The following DACH1 variants were observed in gnomAD, a reference collection of about 807,000 sequenced individuals.
The protein encoded by DACH1 is dachshund family transcription factor 1.
Under a neutral mutation model 54.2 loss-of-function variants are expected in DACH1, and 12 were observed. The ratio of observed to expected loss-of-function variants is 0.22; its 90% confidence interval spans 0.14 to 0.36. The LOEUF (loss-of-function observed/expected upper bound fraction) is 0.36. Ranked by LOEUF, DACH1 falls within the 10% of genes least tolerant of loss-of-function variation. The pLI is 1.00. For synonymous variants in DACH1, 386 were observed against 366.2 expected (o/e 1.05, Z -0.62); for missense variants, 805 against 929.8 (o/e 0.87, Z 1.75).
At chr13:71,540,282 G>A (rs1229046850) in intron 6 of DACH1, among the ~76,000 whole-genome samples, 1 of 151,922 alleles carries the variant, frequency 6.6e-6, no homozygotes, top group Non-Finnish European at 1.5e-5. Context: ...CTATAACAAA[G>A]GCACTGTAAC....
intron 2 of DACH1, among the ~76,000 whole-genome samples, chr13:71,650,520 T>C (rs1878594116): frequency 6.6e-6 from 1 of 152,150 alleles, no homozygotes; most frequent in Admixed American, 6.6e-5. Context: ...AATTAAATAA[T>C]ATTATTGTAA....
At chr13:71,612,712 G>C (rs1875426408) in intron 3 of DACH1, among the ~76,000 whole-genome samples, 1 of 152,164 alleles carries the variant, frequency 6.6e-6, no homozygotes, top group African/African-American at 2.4e-5. Context: ...GACGTGCATT[G>C]TACAAGAAAA....
chr13:71,650,346 A>C (rs1878584011), intron 2 of DACH1, among the ~76,000 whole-genome samples: 1 of 152,182 alleles, frequency 6.6e-6, no homozygotes, highest in South Asian at 2.1e-4. Context: ...AGTACTTGGT[A>C]TATTACAGCA....
At chr13:71,720,293 A>C (rs1248558848) in intron 1 of DACH1, among the ~76,000 whole-genome samples, 1 of 152,198 alleles carries the variant, frequency 6.6e-6, no homozygotes, top group Non-Finnish European at 1.5e-5. Flanking sequence ...AGACATTTGG[A>C]CTTCACTGAC....
intron 6 of DACH1, among the ~76,000 whole-genome samples, chr13:71,502,790 G>T (rs924962863): frequency 6.6e-6 from 1 of 152,096 alleles, no homozygotes; most frequent in Non-Finnish European, 1.5e-5. Flanking sequence ...CCAAATCACC[G>T]TCTTTCAGTA....
At chr13:71,680,238 A>G (rs1880817346) in intron 2 of DACH1, among the ~76,000 whole-genome samples, 1 of 152,140 alleles carries the variant, frequency 6.6e-6, no homozygotes, top group Non-Finnish European at 1.5e-5. Context: ...TCATTTTTCT[A>G]TATCTCAATT....
chr13:71,739,303 A>C (rs1246957504), intron 1 of DACH1, among the ~76,000 whole-genome samples: 1 of 151,956 alleles, frequency 6.6e-6, no homozygotes, highest in Non-Finnish European at 1.5e-5. Context: ...AAGTGATGGA[A>C]TCATGGTTCG....
chr13:71,839,981 C>G (rs1353353910), intron 1 of DACH1, among the ~76,000 whole-genome samples: 1 of 152,196 alleles, frequency 6.6e-6, no homozygotes, highest in Non-Finnish European at 1.5e-5. Flanking sequence ...AAGTCTCACT[C>G]TGTCACCCAG....
intron 3 of DACH1, among the ~76,000 whole-genome samples, chr13:71,627,687 T>A (rs1293166773): frequency 6.6e-6 from 1 of 152,058 alleles, no homozygotes; most frequent in Non-Finnish European, 1.5e-5. Flanking sequence ...TACCTACCTA[T>A]CTCATCCATA....
At chr13:71,648,398 C>T (rs567413970) in intron 2 of DACH1, among the ~76,000 whole-genome samples, 19 of 151,842 alleles carry the variant, frequency 1.3e-4, no homozygotes, top group African/African-American at 4.1e-4. Flanking sequence ...TCAAGAGAGG[C>T]GACGAGAAGA....
Position 71,458,762 on chromosome 13 carries a change from A to G in DACH1, c.2083+16379T>C, listed in dbSNP as rs146542544. ...TGTTTCATATAATAAAATCTAATGC[A>G]TAAGTATTTCACACCTTTATATAAA... On this transcript the variant is annotated intron_variant, in intron 10 of 10. Transcript: ENST00000613252. Among the ~76,000 whole-genome samples the G allele has an allele frequency of 6.8e-3, 1,039 of 152,052 alleles. 7 individuals are homozygous for G. The highest frequency in any genetic ancestry group is 0.014 in the Middle Eastern group (4 of 294).
At chr13:71,836,090 CT>C (rs1327395662) in intron 1 of DACH1, among the ~76,000 whole-genome samples, 4 of 151,900 alleles carry the variant, frequency 2.6e-5, no homozygotes, top group African/African-American at 4.8e-5. Flanking sequence ...ATAGTCTTAC[CT>C]TATCTTGCTC....
intron 10 of DACH1, among the ~76,000 whole-genome samples, chr13:71,457,360 C>T (rs1333903894): frequency 6.6e-6 from 1 of 151,852 alleles, no homozygotes; most frequent in East Asian, 1.9e-4. Context: ...AACAAAGATG[C>T]AAAATAACTA....
intron 6 of DACH1, among the ~76,000 whole-genome samples, chr13:71,510,501 C>G (rs1880694859): frequency 6.6e-6 from 1 of 151,916 alleles, no homozygotes; most frequent in Non-Finnish European, 1.5e-5. Context: ...TTTCCAGGGT[C>G]AAATAACAAG....
At position 71,827,260 on chromosome 13, in the gene DACH1, A is replaced by T. The variant is rs551562940; in HGVS notation, c.848+38662T>A. The stretch of plus-strand genomic sequence containing the variant: ...AATATTACAATCATTGTTTCCAGGG[A>T]TGCAGGCGGGGCTGAATCGCCAACC... On this transcript the variant is annotated intron_variant, in intron 1 of 10. Coordinates refer to ENST00000613252, the MANE Select transcript of DACH1 (RefSeq NM_080759.6). 8.5e-5 allele frequency among the ~76,000 whole-genome samples: 13 copies of T among 152,154 alleles called. 1 individual carries two copies. In the East Asian group the frequency reaches 2.5e-3, roughly 29 times the overall value.
intron 1 of DACH1, among the ~76,000 whole-genome samples, chr13:71,749,662 T>G (rs1884835035): frequency 6.6e-6 from 1 of 152,106 alleles, no homozygotes; most frequent in African/African-American, 2.4e-5. Context: ...GAATCATCCC[T>G]CAGATTTAAA....
intron 3 of DACH1, among the ~76,000 whole-genome samples, chr13:71,616,471 G>C (rs924517420): frequency 6.6e-5 from 10 of 152,166 alleles, no homozygotes; most frequent in African/African-American, 2.4e-4. Flanking sequence ...AGAAGATCAG[G>C]TGTGGTGGCT....
At chr13:71,695,005 A>C (rs901313051) in intron 1 of DACH1, among the ~76,000 whole-genome samples, 2 of 152,168 alleles carry the variant, frequency 1.3e-5, no homozygotes, top group Non-Finnish European at 2.9e-5. Context: ...TAAAAGTATA[A>C]GTTTTCTTAT....
chr13:71,550,318 C>T (rs1255460052), intron 6 of DACH1, among the ~76,000 whole-genome samples: 1 of 152,172 alleles, frequency 6.6e-6, no homozygotes, highest in African/African-American at 2.4e-5. Context: ...CCCACTAATG[C>T]CAGACCCTGT....
Sources: allele counts gnomAD v4.1 joint callset (sites outside exome capture counted in the v4.1 genomes callset), GRCh38; gene constraint gnomAD v4.1.1; transcripts MANE v1.5; gene names NCBI Gene and HGNC (gene_info 2026-07-23, HGNC 2026-07-21).